The following NAV2 variants were observed in gnomAD, a reference collection of about 807,000 sequenced individuals.
The protein encoded by NAV2 is neuron navigator 2.
In NAV2, 54 loss-of-function variants were observed where a neutral mutation model predicts 223.2. That is an observed-to-expected ratio of 0.24 (90% confidence interval 0.19 to 0.30). The LOEUF is 0.30. Among genes scored for constraint, NAV2 ranks in the 10% least tolerant of loss-of-function variants. The pLI is 1.00. For missense variants in NAV2, 2,806 were observed against 3,147.5 expected (o/e 0.89, Z 2.60); for synonymous variants, 1,279 against 1,239.3 (o/e 1.03, Z -0.67).
chr11:20,005,113 T>C (rs1014738457), intron 11 of NAV2, among the ~76,000 whole-genome samples: 4 of 151,968 alleles, frequency 2.6e-5, no homozygotes, highest in Non-Finnish European at 5.9e-5. Flanking sequence ...TCTCTGACAA[T>C]AGAGACCCTT....
intron 1 of NAV2, among the ~76,000 whole-genome samples, chr11:19,569,866 C>G (rs1226070430): frequency 1.3e-5 from 2 of 152,118 alleles, no homozygotes; most frequent in African/African-American, 4.8e-5. Context: ...CCCAGAGTTG[C>G]TGCTTTATAA....
chr11:19,792,883 G>T (rs1487272336), intron 1 of NAV2, among the ~76,000 whole-genome samples: 2 of 151,336 alleles, frequency 1.3e-5, no homozygotes, highest in African/African-American at 2.4e-5. Flanking sequence ...GACAGGGAGC[G>T]CCTGACAGCT....
rs533372881 is a variant in NAV2 at position 19,864,419 on chromosome 11, AG to A, written c.439-4503del. Among the ~76,000 whole-genome samples, 39 of 152,362 alleles carry A rather than the reference AG, an allele frequency of 2.6e-4. No individual in the cohort carries two copies. In the South Asian group the frequency reaches 6.6e-3, roughly 26 times the overall value. Reference sequence around the variant, plus strand: ...GTATTTGATCAGTCTCTAAGCTACCAGGGAGATATATAGCAGTGCTTCCGAG... The same window carrying A: ...GTATTTGATCAGTCTCTAAGCTACCAGGAGATATATAGCAGTGCTTCCGAG... On this transcript the variant is annotated intron_variant, in intron 3 of 37. Coordinates refer to ENST00000349880, the MANE Select transcript of NAV2 (RefSeq NM_145117.5).
chr11:19,365,612 AC>A (rs1848251086), intron 1 of NAV2, among the ~76,000 whole-genome samples: 1 of 152,218 alleles, frequency 6.6e-6, no homozygotes, highest in Non-Finnish European at 1.5e-5. Flanking sequence ...AGTGGTAATT[AC>A]AATAATTTTG....
chr11:20,061,655 G>A (rs1019874595), intron 19 of NAV2, among the ~76,000 whole-genome samples: 3 of 151,838 alleles, frequency 2.0e-5, no homozygotes, highest in Non-Finnish European at 4.4e-5. Context: ...AAAAGTATCA[G>A]TTTGAAACAG....
At chr11:19,507,147 C>T (rs2043146114) in intron 1 of NAV2, 1 of 152,244 alleles carries the variant, frequency 6.6e-6, no homozygotes, top group African/African-American at 2.4e-5. Flanking sequence ...GAAAATACCT[C>T]TACCTGAATT....
intron 10 of NAV2, among the ~76,000 whole-genome samples, chr11:19,973,335 A>G (rs1377756531): frequency 2.0e-5 from 3 of 152,190 alleles, no homozygotes; most frequent in African/African-American, 7.2e-5. Flanking sequence ...TGCTGACTTA[A>G]TGTGAAAAGT....
At chr11:19,446,907 G>T (rs1851605063) in intron 1 of NAV2, among the ~76,000 whole-genome samples, 1 of 152,152 alleles carries the variant, frequency 6.6e-6, no homozygotes, top group Admixed American at 6.5e-5. Flanking sequence ...GCGTCAGCCT[G>T]GTCTCTCTAG....
At chr11:19,754,486 G>A (rs951535030) in intron 1 of NAV2, among the ~76,000 whole-genome samples, 1 of 152,192 alleles carries the variant, frequency 6.6e-6, no homozygotes, top group Non-Finnish European at 1.5e-5. Context: ...CTAGGCAGGA[G>A]CAAGGCATGG....
At chr11:20,107,365 C>G (rs1029912976) in intron 35 of NAV2, 1 of 266,748 alleles carries the variant, frequency 3.7e-6, no homozygotes, top group South Asian at 6.0e-5. Context: ...GGATTATAGG[C>G]GTGAGCCACT....
In NAV2 at chr11:19,984,141, G is replaced by A; in HGVS notation, c.2662G>A (p.Gly888Arg). 1 of 1,614,196 alleles carries A rather than the reference G, an allele frequency of 6.2e-7. No individual in the cohort carries two copies. Among genetic ancestry groups the A allele is most frequent in the Non-Finnish European group, 8.5e-7 (1 of 1,180,020 alleles). Residue 888 changes from glycine (G) to arginine (R), a missense_variant, in exon 11 of 38, where the codon GGA becomes AGA. Gly to Arg is a moderately radical substitution (Grantham distance 125). Transcript: ENST00000349880. ...DITSGYMTDG[G>R]LGLYTRRLNR... The stretch of plus-strand genomic sequence containing the variant: ...CTTTTAAAGATACATGACTGATGGT[G>A]GACTTGGCCTCTATACCCGTCGCCT...
Position 19,934,036 on chromosome 11 carries a change from C to T in NAV2, c.1792C>T (p.Leu598Phe), listed in dbSNP as rs983640520. 1.3e-6 allele frequency: 2 copies of T among 1,599,716 alleles called. No homozygotes were observed. The highest frequency in any genetic ancestry group is 1.7e-5 in the Admixed American group (1 of 58,028). The change falls in exon 7 of 38, where the codon CTC becomes TTC. Residue 598 changes from leucine to phenylalanine, a missense_variant. Coordinates refer to ENST00000349880, the MANE Select transcript of NAV2 (RefSeq NM_145117.5). ...RSRSGKLSSG[L>F]PQQKPQLDGR... ...CCGGAGTGGGAAGCTGAGCTCAGGA[C>T]TCCCCCAGCAGAAGCCCCAGCTGGA...
At chr11:20,067,499 A>G (rs552456848) in intron 20 of NAV2, among the ~76,000 whole-genome samples, 1 of 152,206 alleles carries the variant, frequency 6.6e-6, no homozygotes, top group South Asian at 2.1e-4. Flanking sequence ...TTATTTTTTG[A>G]GACGGGTAGC....
intron 1 of NAV2, among the ~76,000 whole-genome samples, chr11:19,793,206 C>CAAAAAAAA (rs557365857): frequency 6.2e-4 from 36 of 57,948 alleles, no homozygotes; most frequent in Non-Finnish European, 8.2e-4. Flanking sequence ...CACTCTGTCT[C>CAAAAAAAA]AAAAAAAAAA....
intron 1 of NAV2, among the ~76,000 whole-genome samples, chr11:19,476,395 C>A (rs2042116450): frequency 6.6e-6 from 1 of 152,086 alleles, no homozygotes; most frequent in Non-Finnish European, 1.5e-5. Flanking sequence ...TATAGCCAGC[C>A]TGCCTTACTC....
chr11:19,644,981 G>A (rs899964408), intron 1 of NAV2, among the ~76,000 whole-genome samples: 1 of 152,222 alleles, frequency 6.6e-6, no homozygotes, highest in Non-Finnish European at 1.5e-5. Context: ...TATGGGAAAA[G>A]AAGGTGGACG....
At chr11:19,357,754 C>A (rs1009303209) in intron 1 of NAV2, among the ~76,000 whole-genome samples, 1 of 152,192 alleles carries the variant, frequency 6.6e-6, no homozygotes, top group African/African-American at 2.4e-5. Context: ...TCAGTGGAGA[C>A]AACAAAATCT....
intron 19 of NAV2, among the ~76,000 whole-genome samples, chr11:20,061,500 C>G (rs1047032706): frequency 6.7e-6 from 1 of 149,436 alleles, no homozygotes; most frequent in Non-Finnish European, 1.5e-5. Context: ...ACTTGGGAGG[C>G]AGAGGTTGTG....
At chr11:20,007,164 C>G (rs1294339548) in intron 11 of NAV2, among the ~76,000 whole-genome samples, 2 of 152,152 alleles carry the variant, frequency 1.3e-5, no homozygotes, top group Non-Finnish European at 2.9e-5. Flanking sequence ...ACCATGTCAT[C>G]CAGTCTGGTC....
Sources: gnomAD v4.1 joint callset for allele counts (sites outside exome capture counted in the v4.1 genomes callset) on GRCh38, gnomAD v4.1.1 for gene constraint, MANE v1.5 for transcripts, NCBI Gene and HGNC (gene_info 2026-07-23, HGNC 2026-07-21) for gene names.